Variants in GAMT observed in about 807,000 individuals in gnomAD.
GAMT encodes epididymis secretory protein Li 20.
GAMT carries 26 observed loss-of-function variants against 26.9 expected under a neutral mutation model. The ratio of observed to expected loss-of-function variants is 0.97; its 90% CI spans 0.71 to 1.34. GAMT has a LOEUF of 1.34. Among genes scored for constraint, GAMT ranks in the 40% most tolerant of loss-of-function variants. The pLI is 0.00. For missense variants in GAMT, 412 were observed against 345.0 expected, an observed-to-expected ratio of 1.19 and a Z score of -1.54; for synonymous variants, 169 against 149.6, an observed-to-expected ratio of 1.13 and a Z score of -0.95.
Position 1,401,499 on chromosome 19 carries a change from G to A in GAMT, c.-23C>T, listed in dbSNP as rs796052522. ...CATGCTGCAGGCTGGACGGCGACCC[G>A]ACCTCGATCGCGCGCCGCCCGGGCC... On this transcript the variant is annotated 5_prime_UTR_variant, in exon 1 of 6. Transcript: ENST00000252288. 4.9e-5 allele frequency: 64 copies of A among 1,293,766 alleles called. No homozygotes were observed. Among genetic ancestry groups the A allele is most frequent in the Non-Finnish European group, 6.0e-5 (61 of 1,020,738 alleles). The allele number at this position is 1,293,766 out of a possible 1,614,324, so 80.1% of individuals were successfully genotyped here.
At position 1,401,336 on chromosome 19, in the gene GAMT, G is replaced by T. The variant is rs1442811967; in HGVS notation, c.141C>A (p.Thr47=). 3.3e-6 allele frequency: 5 copies of T among 1,536,276 alleles called. No homozygotes were observed. Among genetic ancestry groups the T allele is most frequent in the Admixed American group, 3.7e-5 (2 of 53,692 alleles). Residue 47 remains threonine, a synonymous_variant, in exon 1 of 6, where the codon ACC becomes ACA. Transcript: ENST00000252288. Reference sequence around the variant, plus strand: ...CGGCGGCCAGCGCGTGCATATAGGGGGTCTCCCAGCGCTCCATCACCGGCT... The same window carrying T: ...CGGCGGCCAGCGCGTGCATATAGGGTGTCTCCCAGCGCTCCATCACCGGCT... The part of the protein sequence containing the change: ...LGKPVMERWE[T]PYMHALAAAA...
chr19:1,400,018 C>G, intron 1 of GAMT, 80 bp from the exon 2 acceptor site: 1 of 1,514,124 alleles, frequency 6.6e-7, no homozygotes, highest in Non-Finnish European at 8.9e-7. Flanking sequence ...CAGGGCAGGG[C>G]AGGGCTGGGG....
rs769395857 is a variant in GAMT at position 1,399,230 on chromosome 19, C to G, written c.392-35G>C. On this transcript the variant is annotated intron_variant, in intron 3 of 5. Coordinates refer to ENST00000252288, the MANE Select transcript of GAMT (RefSeq NM_000156.6). The surrounding 1 kb of genome is among the most constrained non-coding windows in gnomAD (Gnocchi z 6.2). ...GAACAGAAGCCCACGCGGTCAGGGCCGGGCTCAGCGCCTCACCCAGCCTCA... is the reference window on the plus strand; with the variant it reads ...GAACAGAAGCCCACGCGGTCAGGGCGGGGCTCAGCGCCTCACCCAGCCTCA... 1.2e-6 allele frequency: 2 copies of G among 1,608,738 alleles called. No individual in the cohort carries two copies. The highest frequency in any genetic ancestry group is 1.3e-5 in the African/African-American group (1 of 74,842).
Position 1,401,344 on chromosome 19 carries a change from A to T in GAMT, c.133T>A (p.Trp45Arg), listed in dbSNP as rs886054247. The T allele has an allele frequency of 7.3e-5, 113 of 1,538,398 alleles. No homozygotes were observed. Among genetic ancestry groups the T allele is most frequent in the Non-Finnish European group, 9.6e-5 (110 of 1,151,576 alleles). ...RILGKPVMER[W>R]ETPYMHALAA... Reference sequence around the variant, plus strand: ...AGCGCGTGCATATAGGGGGTCTCCCAGCGCTCCATCACCGGCTTGCCCAGG... The same window carrying T: ...AGCGCGTGCATATAGGGGGTCTCCCTGCGCTCCATCACCGGCTTGCCCAGG... The change falls in exon 1 of 6, where the codon TGG (tryptophan) becomes AGG (arginine). Residue 45 changes from tryptophan (W) to arginine (R), a missense_variant. By Grantham distance (101) the Trp-to-Arg change is moderately radical. Coordinates refer to ENST00000252288, the MANE Select transcript of GAMT (RefSeq NM_000156.6).
intron 5 of GAMT, chr19:1,397,762 C>A: frequency 7.3e-7 from 1 of 1,371,904 alleles, no homozygotes; most frequent in Non-Finnish European, 9.4e-7. Flanking sequence ...CCACAGTTCT[C>A]CAGACCTTGC....
chr19:1,399,115 C>CA lies in GAMT; in HGVS notation c.459+12dup, dbSNP rs1569005431. 18 of 1,613,672 alleles carry CA rather than the reference C, an allele frequency of 1.1e-5. No homozygotes were observed. The highest frequency in any genetic ancestry group is 1.5e-5 in the Non-Finnish European group (18 of 1,179,992). Reference sequence around the variant, plus strand: ...GAGGGCCTCCCGCATCCCAGCAAGTCAGAGAGAACCACCTTGATGAAGTTG... The same window carrying CA: ...GAGGGCCTCCCGCATCCCAGCAAGTCAAGAGAGAACCACCTTGATGAAGTTG... On this transcript the variant is annotated intron_variant, in intron 4 of 5. Transcript: ENST00000252288. The surrounding 1 kb of genome is among the most constrained non-coding windows in gnomAD (Gnocchi z 6.2).
intron 5 of GAMT, chr19:1,398,424 C>G: frequency 7.3e-5 from 20 of 273,962 alleles, no homozygotes; most frequent in South Asian, 8.9e-5. Context: ...TTTAAATTTT[C>G]TTTCTTTCTT....
rs1555777026 is a variant in GAMT at position 1,398,994 on chromosome 19, G to C, written c.492C>G (p.Gly164=). ...NHAFRLLKPG[G]VLTYCNLTSW... ...AGGTGAGGTTGCAGTAGGTGAGGAC[G>C]CCCCCCGGCTTCAGCAGGCGAAAGG... The change falls in exon 5 of 6, where the codon GGC becomes GGG. Residue 164 remains glycine (G), a synonymous_variant. Transcript: ENST00000252288. 14 of 1,613,432 alleles carry C rather than the reference G, an allele frequency of 8.7e-6. No individual in the cohort carries two copies. The highest frequency in any genetic ancestry group is 1.1e-5 in the Non-Finnish European group (13 of 1,179,996).
rs1010910865 is a variant in GAMT at position 1,401,540 on chromosome 19, C to G, written c.-64G>C. Reference sequence around the variant, plus strand: ...CGCCCGGGCCCGCTCCCTGCAGGGGCTTGTGGGCCGGGGGCGGGTCCAACA... The same window carrying G: ...CGCCCGGGCCCGCTCCCTGCAGGGGGTTGTGGGCCGGGGGCGGGTCCAACA... On this transcript the variant is annotated 5_prime_UTR_variant, in exon 1 of 6. Transcript: ENST00000252288. 8.8e-7 allele frequency: 1 copy of G among 1,139,360 alleles called. No homozygotes were observed. The highest frequency in any genetic ancestry group is 1.1e-6 in the Non-Finnish European group (1 of 904,690). The allele number at this position is 1,139,360 out of a possible 1,614,324, so 70.6% of individuals were successfully genotyped here. A position where few individuals can be genotyped will look rare whatever the true frequency, so the allele number is the denominator to read the frequency against.
At position 1,397,029 on chromosome 19, in the gene GAMT, C is replaced by T; in HGVS notation, c.*330G>A. On this transcript the variant is annotated 3_prime_UTR_variant, in exon 6 of 6. Transcript: ENST00000252288. ...CCTGGAGGGGAGTCACCCACTTTTC[C>T]TGTGTCCATGGGATGGGCGGGAGGT... The T allele has an allele frequency of 3.1e-6, 1 of 323,474 alleles. No individual in the cohort carries two copies. The allele number at this position is 323,474 out of a possible 1,614,324, so 20.0% of individuals were successfully genotyped here. A position where few individuals can be genotyped will look rare whatever the true frequency, so the allele number is the denominator to read the frequency against.
intron 1 of GAMT, among the ~76,000 whole-genome samples, chr19:1,400,572 G>A (rs1208471258): frequency 6.6e-6 from 1 of 152,182 alleles, no homozygotes; most frequent in East Asian, 1.9e-4. Context: ...TTATCTCTCG[G>A]GTTAGTTACT....
intron 5 of GAMT, chr19:1,398,532 C>A (rs948968320): frequency 5.0e-5 from 30 of 595,644 alleles, no homozygotes; most frequent in Non-Finnish European, 8.5e-5. Context: ...GCCCCTGGGG[C>A]CCAAGCAATC....
chr19:1,397,768 C>T, intron 5 of GAMT: 1 of 1,370,304 alleles, frequency 7.3e-7, no homozygotes, highest in Non-Finnish European at 9.4e-7. Context: ...TTCTCCAGAC[C>T]TTGCCAGTGT....
chr19:1,397,604 G>T, intron 5 of GAMT, 105 bp from the exon 6 acceptor site: 1 of 1,535,022 alleles, frequency 6.5e-7, no homozygotes, highest in Non-Finnish European at 8.8e-7. Context: ...AGGCCCGGGT[G>T]GGCGGCTGCA....
intron 1 of GAMT, among the ~76,000 whole-genome samples, chr19:1,400,264 G>A (rs2082626567): frequency 6.7e-6 from 1 of 149,472 alleles, no homozygotes; most frequent in Non-Finnish European, 1.5e-5. Flanking sequence ...CTTCCTGGAG[G>A]AGGGGGCACA....
chr19:1,401,313 G>T lies in GAMT; in HGVS notation c.164C>A (p.Ala55Asp). 1 of 1,514,980 alleles carries T rather than the reference G, an allele frequency of 6.6e-7. No individual in the cohort carries two copies. Among genetic ancestry groups the T allele is most frequent in the Non-Finnish European group, 8.8e-7 (1 of 1,137,736 alleles). 93.8% of individuals were successfully genotyped at this position (1,514,980 alleles called of 1,614,324 possible). A position where few individuals can be genotyped will look rare whatever the true frequency, so the allele number is the denominator to read the frequency against. ...GGGGCTACCTTTGGAGGAGGCGGCGGCGGCCAGCGCGTGCATATAGGGGGT... is the reference window on the plus strand; with the variant it reads ...GGGGCTACCTTTGGAGGAGGCGGCGTCGGCCAGCGCGTGCATATAGGGGGT... ...WETPYMHALA[A>D]AASSKGGRVL... The change falls in exon 1 of 6, where the codon GCC becomes GAC. Residue 55 changes from alanine (A) to aspartate (D), a missense_variant. By Grantham distance (126) the Ala-to-Asp change is moderately radical. Coordinates refer to ENST00000252288, the MANE Select transcript of GAMT (RefSeq NM_000156.6).
rs1339573774 is a variant in GAMT at position 1,399,521 on chromosome 19, C to T, written c.391+3G>A. 2 of 1,612,076 alleles carry T rather than the reference C, an allele frequency of 1.2e-6. No individual in the cohort carries two copies. The highest frequency in any genetic ancestry group is 2.7e-5 in the African/African-American group (2 of 74,886). The stretch of plus-strand genomic sequence containing the variant: ...CCCTGTGATACGTCCCCTCACCCCT[C>T]ACCATCAAAGTGACCGTCAGGCAGG... On this transcript the variant is annotated splice_donor_region_variant and intron_variant, in intron 3 of 5. Transcript: ENST00000252288. This position sits in a 1 kb window ranked among gnomAD's most constrained non-coding sequence, Gnocchi z 6.2.
At chr19:1,400,075 G>A in intron 1 of GAMT, 137 bp from the exon 2 acceptor site, 1 of 1,022,318 alleles carries the variant, frequency 9.8e-7, no homozygotes. Flanking sequence ...GGGTCTGCCT[G>A]GAGGGGGGCG....
Position 1,399,428 on chromosome 19 carries a change from C to A in GAMT, c.391+96G>T, listed in dbSNP as rs562017832. The A allele has an allele frequency of 4.9e-6, 6 of 1,217,258 alleles. No individual in the cohort carries two copies. In the Admixed American group the frequency reaches 1.0e-4, roughly 20 times the overall value. The allele number at this position is 1,217,258 out of a possible 1,614,324, so 75.4% of individuals were successfully genotyped here. On this transcript the variant is annotated intron_variant, in intron 3 of 5. Coordinates refer to ENST00000252288, the MANE Select transcript of GAMT (RefSeq NM_000156.6). The surrounding 1 kb of genome is among the most constrained non-coding windows in gnomAD (Gnocchi z 6.2). ...AGGCCCACACCCACTTGGGCTCTGT[C>A]CCCCCAGTGCACATCAGAGGGACCC...
Sources: allele counts gnomAD v4.1 joint callset (sites outside exome capture counted in the v4.1 genomes callset), GRCh38; gene constraint gnomAD v4.1.1; non-coding constraint Gnocchi (gnomAD v3.1); transcripts MANE v1.5; gene names NCBI Gene and HGNC (gene_info 2026-07-23, HGNC 2026-07-21).